The following CCDC91 variants were observed in gnomAD, a reference collection of about 807,000 sequenced individuals.
CCDC91 encodes coiled-coil domain-containing protein 91.
CCDC91 carries 48 observed loss-of-function variants against 63.2 expected under a neutral mutation model. The observed-to-expected ratio is 0.76, with a 90% CI of 0.60 to 0.97. CCDC91 has a LOEUF of 0.97. Among genes scored for constraint, CCDC91 ranks in the 50% least tolerant of loss-of-function variants. The pLI, the probability that CCDC91 is intolerant of heterozygous loss-of-function variation, is 0.00. For synonymous variants in CCDC91, 167 were observed against 165.8 expected (o/e 1.01, Z -0.06); for missense variants, 500 against 494.6 (o/e 1.01, Z -0.10).
chr12:28,470,224 A>G (rs1367505791), intron 11 of CCDC91, among the ~76,000 whole-genome samples: 4 of 152,182 alleles, frequency 2.6e-5, no homozygotes, highest in Non-Finnish European at 5.9e-5. Context: ...AAGGAGTTCA[A>G]ACAACCCTAT....
At chr12:28,213,032 T>C (rs1249716931) in intron 1 of CCDC91, among the ~76,000 whole-genome samples, 2 of 152,180 alleles carry the variant, frequency 1.3e-5, no homozygotes, top group Admixed American at 6.5e-5. Flanking sequence ...GGAATGGGGA[T>C]GCATGGAAAG....
chr12:28,193,324 T>C (rs11049421), intron 1 of CCDC91, among the ~76,000 whole-genome samples: 41,967 of 152,094 alleles, frequency 0.28, 6,028 homozygotes, highest in Non-Finnish European at 0.31. Flanking sequence ...AATTACCAGC[T>C]GGGCGCAGTG....
chr12:28,343,301 T>C (rs1349762341), intron 6 of CCDC91, among the ~76,000 whole-genome samples: 2 of 152,006 alleles, frequency 1.3e-5, no homozygotes, highest in South Asian at 4.1e-4. Flanking sequence ...TATACACATA[T>C]GTTCATATGT....
intron 11 of CCDC91, among the ~76,000 whole-genome samples, chr12:28,473,270 G>A (rs1408354350): frequency 2.0e-5 from 3 of 152,108 alleles, no homozygotes; most frequent in Non-Finnish European, 4.4e-5. Flanking sequence ...CTGCTGTATA[G>A]GATGGCAAGT....
chr12:28,284,215 A>T (rs1007024737), intron 3 of CCDC91, among the ~76,000 whole-genome samples: 2 of 152,028 alleles, frequency 1.3e-5, no homozygotes, highest in Non-Finnish European at 2.9e-5. Context: ...ATACTGATAA[A>T]CTTTGTTTTC....
chr12:28,320,180 A>T (rs914528707), intron 6 of CCDC91, among the ~76,000 whole-genome samples: 1 of 151,922 alleles, frequency 6.6e-6, no homozygotes, highest in African/African-American at 2.4e-5. Flanking sequence ...TTAGGAACAT[A>T]TAATTTGGTA....
intron 3 of CCDC91, among the ~76,000 whole-genome samples, chr12:28,266,877 C>T (rs575018976): frequency 3.3e-5 from 5 of 151,660 alleles, no homozygotes; most frequent in Middle Eastern, 3.4e-3. Context: ...TAGCGCCCCC[C>T]GCCCCACCAA....
chr12:28,298,278 T>C (rs2136941871), intron 3 of CCDC91, among the ~76,000 whole-genome samples: 1 of 151,792 alleles, frequency 6.6e-6, no homozygotes, highest in African/African-American at 2.4e-5. Context: ...ACTTTTCATA[T>C]GTCTTATTGG....
chr12:28,465,308 C>T (rs1439336270), intron 11 of CCDC91, among the ~76,000 whole-genome samples: 1 of 152,174 alleles, frequency 6.6e-6, no homozygotes, highest in Admixed American at 6.5e-5. Context: ...AAGGGAAGGA[C>T]ATAGGCTTGG....
At chr12:28,387,848 G>A (rs1945700421) in intron 7 of CCDC91, among the ~76,000 whole-genome samples, 2 of 152,064 alleles carry the variant, frequency 1.3e-5, no homozygotes, top group African/African-American at 2.4e-5. Context: ...CGCTATAAAC[G>A]TGTGTTCAAG....
At chr12:28,254,873 G>A (rs1946343984) in intron 1 of CCDC91, among the ~76,000 whole-genome samples, 1 of 150,498 alleles carries the variant, frequency 6.6e-6, no homozygotes, top group South Asian at 2.1e-4. Context: ...TCAGGTTCAA[G>A]CGATTCTTCT....
intron 3 of CCDC91, among the ~76,000 whole-genome samples, chr12:28,297,211 T>G (rs1949611077): frequency 6.6e-6 from 1 of 151,880 alleles, no homozygotes; most frequent in Non-Finnish European, 1.5e-5. Context: ...GCATGGCTAT[T>G]TTTACCCATT....
chr12:28,531,797 C>A (rs1031002312), intron 12 of CCDC91, among the ~76,000 whole-genome samples: 2 of 152,086 alleles, frequency 1.3e-5, no homozygotes, highest in African/African-American at 2.4e-5. Flanking sequence ...ACTGCTCTAG[C>A]CTTTGGAAAT....
chr12:28,532,281 A>T (rs1371438799), intron 12 of CCDC91, among the ~76,000 whole-genome samples: 4 of 152,110 alleles, frequency 2.6e-5, no homozygotes, highest in African/African-American at 9.7e-5. Context: ...TATCCCTATC[A>T]AATATTGCTA....
chr12:28,400,617 A>G (rs779260056), intron 8 of CCDC91, among the ~76,000 whole-genome samples: 12 of 152,148 alleles, frequency 7.9e-5, no homozygotes, highest in Admixed American at 4.6e-4. Flanking sequence ...CCTTTTAAAC[A>G]TAAGTTTCAA....
At chr12:28,269,868 C>T (rs2136354458) in intron 3 of CCDC91, among the ~76,000 whole-genome samples, 1 of 152,104 alleles carries the variant, frequency 6.6e-6, no homozygotes, top group South Asian at 2.1e-4. Flanking sequence ...TTATAAAATC[C>T]TCCATGATTT....
Position 28,401,306 on chromosome 12 carries a change from A to G in CCDC91, c.762+9895A>G, listed in dbSNP as rs561048010. On this transcript the variant is annotated intron_variant, in intron 8 of 12. Transcript: ENST00000536442. ...TCCTCACATGACAGCAACAAGGAGA[A>G]GTGCCAAGAAAAAGTGGGAAAAGCC... Among the ~76,000 whole-genome samples the G allele has an allele frequency of 3.9e-5, 6 of 152,284 alleles. 1 individual carries two copies. The South Asian group carries it at 1.2e-3, about 32-fold the overall frequency.
At chr12:28,361,811 C>T (rs567319580) in intron 6 of CCDC91, among the ~76,000 whole-genome samples, 2 of 134,944 alleles carry the variant, frequency 1.5e-5, no homozygotes, top group Admixed American at 9.0e-5. Context: ...TAACTAGCAT[C>T]GAAACCACCT....
At chr12:28,445,471 G>A (rs937741741) in intron 8 of CCDC91, among the ~76,000 whole-genome samples, 10 of 152,168 alleles carry the variant, frequency 6.6e-5, no homozygotes, top group African/African-American at 2.4e-4. Context: ...TGTAATCTTA[G>A]CTTATTGAGG....
Sources: gnomAD v4.1 joint callset for allele counts (sites outside exome capture counted in the v4.1 genomes callset) on GRCh38, gnomAD v4.1.1 for gene constraint, MANE v1.5 for transcripts, NCBI Gene and HGNC (gene_info 2026-07-23, HGNC 2026-07-21) for gene names.